The following GPR107 variants were observed in gnomAD, a reference collection of about 807,000 sequenced individuals.
GPR107 encodes the protein G protein-coupled receptor 107.
GPR107 carries 31 observed loss-of-function variants against 75.5 expected under a neutral mutation model. The observed-to-expected ratio is 0.41, with a 90% CI of 0.31 to 0.55. GPR107 has a LOEUF of 0.55. GPR107 is among the 20% of genes least tolerant of loss of function. GPR107 has a pLI of 0.26. For synonymous variants in GPR107, 267 were observed against 251.3 expected (o/e 1.06, Z -0.59); for missense variants, 572 against 665.7 (o/e 0.86, Z 1.55).
intron 15 of GPR107, 126 bp downstream of exon 15, chr9:130,125,090 CTT>C (rs11461385): frequency 1.2e-3 from 196 of 157,760 alleles, no homozygotes; most frequent in South Asian, 2.5e-3. Flanking sequence ...GTGTGGCTTG[CTT>C]TTTTTTTTTT....
intron 1 of GPR107, among the ~76,000 whole-genome samples, chr9:130,073,223 C>T (rs1419745441): frequency 6.6e-6 from 1 of 152,212 alleles, no homozygotes; most frequent in Non-Finnish European, 1.5e-5. Flanking sequence ...CATCCTCTCC[C>T]TCTGCAGTCC....
intron 4 of GPR107, among the ~76,000 whole-genome samples, chr9:130,077,718 G>GCAAA (rs1406421472): frequency 6.6e-6 from 1 of 152,184 alleles, no homozygotes; most frequent in Non-Finnish European, 1.5e-5. Context: ...CATAGTCTAT[G>GCAAA]CAAAGGCAGA....
intron 1 of GPR107, among the ~76,000 whole-genome samples, chr9:130,064,461 A>G (rs372733882): frequency 6.6e-6 from 1 of 151,868 alleles, no homozygotes; most frequent in East Asian, 1.9e-4. Context: ...CGGCCTCCCA[A>G]AGTGCTGGGA....
At chr9:130,114,653 T>A in intron 14 of GPR107, 1 of 956,096 alleles carries the variant, frequency 1.0e-6, no homozygotes, top group Non-Finnish European at 1.4e-6. Context: ...CCCAAAGGGC[T>A]GGGATTACAG....
At chr9:130,085,581 A>G (rs1830594387) in intron 6 of GPR107, among the ~76,000 whole-genome samples, 1 of 152,030 alleles carries the variant, frequency 6.6e-6, no homozygotes, top group Non-Finnish European at 1.5e-5. Context: ...TCCCCAAGCA[A>G]TCACTGATCT....
chr9:130,070,941 A>G (rs1830189251), intron 1 of GPR107, among the ~76,000 whole-genome samples: 1 of 144,864 alleles, frequency 6.9e-6, no homozygotes, highest in Non-Finnish European at 1.5e-5. Flanking sequence ...CTGGTCTTGA[A>G]CTCCTGTCCT....
intron 17 of GPR107, among the ~76,000 whole-genome samples, chr9:130,132,829 TTA>T (rs35291670): frequency 1.5e-4 from 22 of 147,708 alleles, no homozygotes; most frequent in Non-Finnish European, 2.8e-4. Flanking sequence ...TTTTATATAT[TTA>T]TATATATATA....
chr9:130,130,046 A>G (rs1320245833), intron 17 of GPR107: 2 of 152,136 alleles, frequency 1.3e-5, no homozygotes, highest in Non-Finnish European at 1.5e-5. Context: ...TTCTTTGACA[A>G]CGCGGCCCAC....
chr9:130,083,661 G>GT (rs1830544316), intron 6 of GPR107, 59 bp downstream of exon 6: 4 of 958,650 alleles, frequency 4.2e-6, no homozygotes, highest in Non-Finnish European at 6.0e-6. Flanking sequence ...ACGTGTGTGT[G>GT]TTATATGCAT....
chr9:130,102,340 G>A (rs1315765572), intron 12 of GPR107, among the ~76,000 whole-genome samples: 1 of 152,148 alleles, frequency 6.6e-6, no homozygotes, highest in Non-Finnish European at 1.5e-5. Context: ...GTTGTCACCC[G>A]GCTGCGTGTG....
chr9:130,105,547 G>A (rs1010468241), intron 13 of GPR107, among the ~76,000 whole-genome samples: 10 of 151,900 alleles, frequency 6.6e-5, no homozygotes, highest in African/African-American at 2.4e-4. Context: ...ATGAGTCACC[G>A]CAGCTGGCTG....
At chr9:130,124,824 T>C in intron 14 of GPR107, 91 bp from the exon 15 acceptor site, 1 of 731,162 alleles carries the variant, frequency 1.4e-6, no homozygotes. Context: ...GCATTAGAGG[T>C]GGCCTCTTGA....
At chr9:130,085,558 TG>T (rs74456174) in intron 6 of GPR107, among the ~76,000 whole-genome samples, 11,984 of 152,152 alleles carry the variant, frequency 0.079, 609 homozygotes, top group East Asian at 0.14. Context: ...TCTGCCTTTT[TG>T]TAAGCCCCCT....
intron 1 of GPR107, among the ~76,000 whole-genome samples, chr9:130,070,621 AG>A (rs1366763816): frequency 6.6e-6 from 1 of 152,228 alleles, no homozygotes; most frequent in Non-Finnish European, 1.5e-5. Context: ...AAAAGTTGAA[AG>A]GATATATATT....
intron 1 of GPR107, among the ~76,000 whole-genome samples, chr9:130,061,244 G>A (rs920441321): frequency 6.6e-6 from 1 of 152,126 alleles, no homozygotes; most frequent in African/African-American, 2.4e-5. Context: ...CTAAACACCT[G>A]AATGCACAAG....
chr9:130,081,239 AT>A (rs1830488339), intron 5 of GPR107, among the ~76,000 whole-genome samples: 2 of 151,860 alleles, frequency 1.3e-5, no homozygotes, highest in Non-Finnish European at 2.9e-5. Flanking sequence ...TGCTTATACA[AT>A]GTTTTTCTCA....
chr9:130,071,753 C>T (rs981631124), intron 1 of GPR107, among the ~76,000 whole-genome samples: 1 of 151,794 alleles, frequency 6.6e-6, no homozygotes, highest in African/African-American at 2.4e-5. Flanking sequence ...GTGCAATCTC[C>T]GCTTACTGCA....
At chr9:130,074,099 A>G (rs1032562396) in intron 1 of GPR107, among the ~76,000 whole-genome samples, 7 of 152,170 alleles carry the variant, frequency 4.6e-5, no homozygotes, top group African/African-American at 1.4e-4. Flanking sequence ...AACAGGGACC[A>G]TAGCCTTAGG....
At chr9:130,104,268 G>T (rs1226264548) in intron 12 of GPR107, 152 bp from the exon 13 acceptor site, 1 of 631,488 alleles carries the variant, frequency 1.6e-6, no homozygotes, top group Non-Finnish European at 2.8e-6. Flanking sequence ...TAGCGGAGTG[G>T]CAGAGTTCTG....
Sources: allele counts gnomAD v4.1 joint callset (sites outside exome capture counted in the v4.1 genomes callset), GRCh38; gene constraint gnomAD v4.1.1; transcripts MANE v1.5; gene names NCBI Gene and HGNC (gene_info 2026-07-23, HGNC 2026-07-21).